Variants in HHAT observed in about 807,000 individuals in gnomAD.
HHAT encodes the protein protein-cysteine N-palmitoyltransferase HHAT.
In HHAT, 47 loss-of-function variants were observed where a neutral mutation model predicts 70.8. The observed-to-expected ratio is 0.66, with a 90% CI of 0.53 to 0.85. The LOEUF is 0.85. HHAT is among the 40% of genes least tolerant of loss of function. The pLI, the probability that HHAT is intolerant of heterozygous loss-of-function variation, is 0.00. For synonymous variants in HHAT, 228 were observed against 247.6 expected (o/e 0.92, Z 0.74); for missense variants, 609 against 604.8 (o/e 1.01, Z -0.07).
chr1:210,612,501 C>T (rs1666804686), intron 10 of HHAT, among the ~76,000 whole-genome samples: 1 of 152,148 alleles, frequency 6.6e-6, no homozygotes, highest in African/African-American at 2.4e-5. Context: ...CTTTTTAAGG[C>T]TAAAATGCCA....
intron 8 of HHAT, among the ~76,000 whole-genome samples, chr1:210,498,020 G>T (rs1351227613): frequency 3.3e-5 from 5 of 152,082 alleles, no homozygotes; most frequent in African/African-American, 9.7e-5. Flanking sequence ...CTCCCAAAAT[G>T]CTGGGATTAC....
chr1:210,530,764 C>T (rs540906432), intron 9 of HHAT, among the ~76,000 whole-genome samples: 12 of 152,036 alleles, frequency 7.9e-5, no homozygotes, highest in South Asian at 2.1e-4. Flanking sequence ...GCATGTTGAC[C>T]GAACTAAGCC....
chr1:210,478,271 G>T (rs78170963), intron 8 of HHAT, among the ~76,000 whole-genome samples: 1 of 152,124 alleles, frequency 6.6e-6, no homozygotes, highest in East Asian at 1.9e-4. Context: ...TTAATTTTCC[G>T]AAAGTTTTTA....
chr1:210,508,198 C>CA (rs10656040), intron 8 of HHAT, among the ~76,000 whole-genome samples: 26,870 of 89,212 alleles, frequency 0.3, 4,488 homozygotes, highest in Admixed American at 0.39. Flanking sequence ...GACTCCTTCT[C>CA]AAAAAAAAAA....
chr1:210,586,675 C>T (rs565230067), intron 9 of HHAT, among the ~76,000 whole-genome samples: 2 of 152,208 alleles, frequency 1.3e-5, no homozygotes, highest in East Asian at 3.9e-4. Context: ...ACTGTGTATT[C>T]AGAAAAGGAT....
At chr1:210,426,847 C>G (rs2148306941) in intron 7 of HHAT, among the ~76,000 whole-genome samples, 1 of 152,202 alleles carries the variant, frequency 6.6e-6, no homozygotes, top group Non-Finnish European at 1.5e-5. Context: ...ATGATGCTGG[C>G]CTCATAGAAT....
chr1:210,571,457 A>G (rs1289142647), intron 9 of HHAT, among the ~76,000 whole-genome samples: 6 of 152,106 alleles, frequency 3.9e-5, no homozygotes, highest in Non-Finnish European at 5.9e-5. Flanking sequence ...AGAGCTTGGA[A>G]CAGCACATCT....
rs1311514239 is a variant in HHAT, at chr1:210,450,964, G to A, written c.857-13541G>A. Among the ~76,000 whole-genome samples the A allele has an allele frequency of 1.3e-5, 2 of 151,838 alleles. 1 individual carries two copies. Among genetic ancestry groups the A allele is most frequent in the African/African-American group, 4.8e-5 (2 of 41,320 alleles). Reference sequence around the variant, plus strand: ...TAGCCGGGTGTGGTGGTGGGCACCTGTAGTCCCAGCTACTTGGGAGGCTGA... The same window carrying A: ...TAGCCGGGTGTGGTGGTGGGCACCTATAGTCCCAGCTACTTGGGAGGCTGA... On this transcript the variant is annotated intron_variant, in intron 7 of 11. Transcript: ENST00000261458.
chr1:210,498,597 A>G (rs2094694003), intron 8 of HHAT, among the ~76,000 whole-genome samples: 1 of 152,146 alleles, frequency 6.6e-6, no homozygotes, highest in Admixed American at 6.5e-5. Flanking sequence ...TCTGTCCAGA[A>G]TGCTGTCTGA....
chr1:210,426,685 A>T (rs185717115), intron 7 of HHAT, among the ~76,000 whole-genome samples: 2 of 152,288 alleles, frequency 1.3e-5, no homozygotes. Flanking sequence ...CATCCCAGGG[A>T]TAAAGCCTAC....
chr1:210,403,955 TTGTC>T (rs1199145029), intron 5 of HHAT, among the ~76,000 whole-genome samples: 2 of 151,946 alleles, frequency 1.3e-5, no homozygotes, highest in East Asian at 3.9e-4. Context: ...TTTTAAATAT[TTGTC>T]TGTAAAGCTT....
intron 4 of HHAT, among the ~76,000 whole-genome samples, chr1:210,388,604 G>C (rs2091248954): frequency 6.6e-6 from 1 of 152,012 alleles, no homozygotes; most frequent in Admixed American, 6.5e-5. Context: ...CAAAATATTA[G>C]ATGTTGTCAG....
chr1:210,583,369 A>G (rs1485291716), intron 9 of HHAT, among the ~76,000 whole-genome samples: 2 of 152,218 alleles, frequency 1.3e-5, no homozygotes, highest in Non-Finnish European at 2.9e-5. Flanking sequence ...GTCACTGACG[A>G]GAAGCAATCT....
chr1:210,348,461 A>G (rs892868163), intron 1 of HHAT, among the ~76,000 whole-genome samples: 7 of 152,080 alleles, frequency 4.6e-5, no homozygotes, highest in South Asian at 2.1e-4. Flanking sequence ...AGAGGTTTGT[A>G]TACTGTTTGT....
chr1:210,579,617 T>G (rs1184545711), intron 9 of HHAT, among the ~76,000 whole-genome samples: 1 of 152,206 alleles, frequency 6.6e-6, no homozygotes, highest in African/African-American at 2.4e-5. Context: ...ATACTAAGTA[T>G]GTATACTTAA....
chr1:210,567,053 C>T (rs1016398414), intron 9 of HHAT, among the ~76,000 whole-genome samples: 1 of 152,222 alleles, frequency 6.6e-6, no homozygotes, highest in Non-Finnish European at 1.5e-5. Context: ...ACATCTCTGT[C>T]TCTGTGCCCC....
At chr1:210,490,930 G>A (rs1195550590) in intron 8 of HHAT, among the ~76,000 whole-genome samples, 1 of 152,044 alleles carries the variant, frequency 6.6e-6, no homozygotes, top group Non-Finnish European at 1.5e-5. Context: ...ATAACACATT[G>A]TAAGGAGCAT....
Position 210,386,230 on chromosome 1 carries a change from C to CTTTCTTTTTTTTTTTTT in HHAT, c.160-1235_160-1234insCTTTTTTTTTTTTTTTT, listed in dbSNP as rs1324452281. Among the ~76,000 whole-genome samples, 256 of 69,908 alleles carry CTTTCTTTTTTTTTTTTT rather than the reference C, an allele frequency of 3.7e-3. 8 individuals carry two copies. Among genetic ancestry groups the CTTTCTTTTTTTTTTTTT allele is most frequent in the Middle Eastern group, 8.6e-3 (1 of 116 alleles). 45.9% of individuals were successfully genotyped at this position (69,908 alleles called of 152,430 possible). A position where few individuals can be genotyped will look rare whatever the true frequency, so the allele number is the denominator to read the frequency against. On this transcript the variant is annotated intron_variant, in intron 3 of 11. Transcript: ENST00000261458. Reference sequence around the variant, plus strand: ...ATTGCAGGAGTCCTTTTCTTTTTTTCTTTTTTTTTTTTTTTTTTTTTTTTT... The same window carrying CTTTCTTTTTTTTTTTTT: ...ATTGCAGGAGTCCTTTTCTTTTTTTCTTTCTTTTTTTTTTTTTTTTTTTTTTTTTTTTTTTTTTTTTT...
Position 210,635,597 on chromosome 1 carries a change from A to G in HHAT, c.1390+11927A>G, listed in dbSNP as rs139496063. On this transcript the variant is annotated intron_variant, in intron 11 of 11. Coordinates refer to ENST00000261458, the MANE Select transcript of HHAT (RefSeq NM_018194.6). ...AGAAAAGATGGAAGAAGAAATCTTC[A>G]GAGTTCTCCCAGGGAGAATTTTAGG... 1.5e-3 allele frequency among the ~76,000 whole-genome samples: 228 copies of G among 152,346 alleles called. 1 individual carries two copies. Among genetic ancestry groups the G allele is most frequent in the African/African-American group, 5.1e-3 (213 of 41,580 alleles).
Sources: gnomAD v4.1 joint callset for allele counts (sites outside exome capture counted in the v4.1 genomes callset) on GRCh38, gnomAD v4.1.1 for gene constraint, MANE v1.5 for transcripts, NCBI Gene and HGNC (gene_info 2026-07-23, HGNC 2026-07-21) for gene names.